The following RASGRP3 variants were observed in gnomAD, a reference collection of about 807,000 sequenced individuals.
The protein encoded by RASGRP3 is RAS guanyl releasing protein 3.
Under a neutral mutation model 82.7 loss-of-function variants are expected in RASGRP3, and 54 were observed. The ratio of observed to expected loss-of-function variants is 0.65; its 90% CI spans 0.52 to 0.82. RASGRP3 has a LOEUF of 0.82. Ranked by LOEUF, RASGRP3 falls within the 40% of genes least tolerant of loss-of-function variation. RASGRP3 has a pLI of 0.00. For missense variants in RASGRP3, 861 were observed against 828.9 expected, an observed-to-expected ratio of 1.04 and a Z score of -0.48; for synonymous variants, 309 against 300.5, an observed-to-expected ratio of 1.03 and a Z score of -0.29.
rs1574509399 is a variant in RASGRP3, at chr2:33,559,018, A to G, written c.2052A>G (p.Arg684=). The G allele has an allele frequency of 6.2e-7, 1 of 1,607,366 alleles. No homozygotes were observed. Among genetic ancestry groups the G allele is most frequent in the Non-Finnish European group, 8.5e-7 (1 of 1,177,190 alleles). The change falls in exon 17 of 18, where the codon AGA becomes AGG. Residue 684 remains arginine, a synonymous_variant. Coordinates refer to ENST00000403687, the MANE Select transcript of RASGRP3 (RefSeq NM_001139488.2). ...ACCAGGATGAAGGAGAAGAGACCAGACAGGATGGTGAGGTAAGTGCTAGGT... is the reference window on the plus strand; with the variant it reads ...ACCAGGATGAAGGAGAAGAGACCAGGCAGGATGGTGAGGTAAGTGCTAGGT... ...ELDQDEGEET[R]QDGEDG
chr2:33,460,772 C>G (rs1420310640), intron 2 of RASGRP3, among the ~76,000 whole-genome samples: 1 of 152,116 alleles, frequency 6.6e-6, no homozygotes, highest in East Asian at 1.9e-4. Flanking sequence ...GCCTCAGCCT[C>G]CCCAAGTGCT....
chr2:33,555,306 C>T, intron 14 of RASGRP3: 1 of 390,108 alleles, frequency 2.6e-6, no homozygotes, highest in East Asian at 4.2e-5. Context: ...TCCCGGCTCC[C>T]AGTTGGCTCT....
chr2:33,490,810 A>G (rs1238419230), intron 1 of RASGRP3, among the ~76,000 whole-genome samples: 7 of 150,500 alleles, frequency 4.7e-5, no homozygotes, highest in Non-Finnish European at 1.0e-4. Flanking sequence ...TGTAACTGCA[A>G]CTCAAGATCC....
At chr2:33,557,425 C>G (rs1333804883) in intron 15 of RASGRP3, among the ~76,000 whole-genome samples, 1 of 152,008 alleles carries the variant, frequency 6.6e-6, no homozygotes, top group African/African-American at 2.4e-5. Context: ...AAAATCCAGA[C>G]AAGGCCGGGC....
upstream of RASGRP3, among the ~76,000 whole-genome samples, chr2:33,471,771 G>A (rs1298306365): frequency 6.6e-6 from 1 of 151,550 alleles, no homozygotes; most frequent in East Asian, 1.9e-4. Flanking sequence ...CTTCTTCCTG[G>A]GTCAGTTTGC....
intron 1 of RASGRP3, among the ~76,000 whole-genome samples, chr2:33,507,560 A>G (rs775812501): frequency 4.6e-5 from 7 of 152,224 alleles, no homozygotes; most frequent in East Asian, 1.9e-4. Flanking sequence ...GAGTCTCTCT[A>G]TGTTGCCCAG....
intron 1 of RASGRP3, among the ~76,000 whole-genome samples, chr2:33,500,451 C>T (rs1048403419): frequency 4.0e-5 from 6 of 151,826 alleles, no homozygotes; most frequent in Admixed American, 6.6e-5. Flanking sequence ...CCAGGAGAGG[C>T]GGTGGAGATG....
chr2:33,529,731 C>G (rs1482574144), intron 10 of RASGRP3, among the ~76,000 whole-genome samples: 3 of 152,074 alleles, frequency 2.0e-5, no homozygotes, highest in South Asian at 2.1e-4. Flanking sequence ...GGTTTTGTCT[C>G]CTTGCTAACA....
intron 9 of RASGRP3, among the ~76,000 whole-genome samples, 196 bp from the exon 10 acceptor site, chr2:33,526,941 C>T (rs1487897142): frequency 1.3e-5 from 2 of 152,138 alleles, no homozygotes; most frequent in Non-Finnish European, 2.9e-5. Context: ...CAAAATGGAA[C>T]AGGCTGCTCA....
chr2:33,507,635 C>T (rs982701907), intron 1 of RASGRP3, among the ~76,000 whole-genome samples: 2 of 152,216 alleles, frequency 1.3e-5, no homozygotes, highest in South Asian at 4.1e-4. Context: ...AGGCGATTCT[C>T]CTGCCTCAGC....
chr2:33,489,742 G>A (rs960193266), intron 1 of RASGRP3, among the ~76,000 whole-genome samples: 1 of 152,082 alleles, frequency 6.6e-6, no homozygotes, highest in African/African-American at 2.4e-5. Flanking sequence ...TCACCATGTT[G>A]GCCAGACTGG....
Position 33,514,333 on chromosome 2 carries a change from G to A in RASGRP3, c.-127-677G>A, listed in dbSNP as rs537880776. On this transcript the variant is annotated intron_variant, in intron 2 of 17. Coordinates refer to ENST00000403687, the MANE Select transcript of RASGRP3 (RefSeq NM_001139488.2). ...TATTCTTTTATTAATATTAAACCAA[G>A]TAACATTTATAATATTCTTGAATAT... Among the ~76,000 whole-genome samples, 12 of 151,770 alleles carry A rather than the reference G, an allele frequency of 7.9e-5. No homozygotes were observed. The East Asian group carries it at 1.9e-3, about 24-fold the overall frequency.
chr2:33,558,366 G>C, intron 16 of RASGRP3, 30 bp downstream of exon 16: 1 of 1,612,028 alleles, frequency 6.2e-7, no homozygotes, highest in South Asian at 1.1e-5. Flanking sequence ...TTGCTGCCAT[G>C]GTCTCTTTCT....
chr2:33,522,226 C>A, intron 7 of RASGRP3, 124 bp downstream of exon 7: 1 of 1,048,376 alleles, frequency 9.5e-7, no homozygotes, highest in Non-Finnish European at 1.4e-6. Context: ...GAGAAGTGCC[C>A]TTAATTCACA....
intron 11 of RASGRP3, among the ~76,000 whole-genome samples, chr2:33,536,337 A>C (rs1160938258): frequency 7.2e-6 from 1 of 139,538 alleles, no homozygotes; most frequent in Non-Finnish European, 1.6e-5. Flanking sequence ...AAAAAAAAAA[A>C]CGACAGAAAG....
intron 1 of RASGRP3, among the ~76,000 whole-genome samples, chr2:33,484,034 TTC>T (rs1421053388): frequency 1.3e-5 from 2 of 152,200 alleles, no homozygotes; most frequent in Non-Finnish European, 2.9e-5. Context: ...GCTTAGTCAC[TTC>T]TCTGTTTTGT....
chr2:33,557,492 G>A (rs987841038), intron 15 of RASGRP3, among the ~76,000 whole-genome samples: 2 of 152,074 alleles, frequency 1.3e-5, no homozygotes, highest in Admixed American at 6.6e-5. Flanking sequence ...GGTGGATCAC[G>A]AGGTCAGGAG....
At position 33,527,418 on chromosome 2, in the gene RASGRP3, T is replaced by C. The variant is rs536235191; in HGVS notation, c.1083+6T>C. 6.2e-7 allele frequency: 1 copy of C among 1,604,804 alleles called. No homozygotes were observed. Among genetic ancestry groups the C allele is most frequent in the Non-Finnish European group, 8.5e-7 (1 of 1,172,844 alleles). On this transcript the variant is annotated splice_donor_region_variant and intron_variant, in intron 10 of 17. Coordinates refer to ENST00000403687, the MANE Select transcript of RASGRP3 (RefSeq NM_001139488.2). Reference sequence around the variant, plus strand: ...ATTTGATCAACCTGCTCACGGTGAGTTCCAAGGAGCCAAGTTTGGGCTCAA... The same window carrying C: ...ATTTGATCAACCTGCTCACGGTGAGCTCCAAGGAGCCAAGTTTGGGCTCAA...
intron 10 of RASGRP3, among the ~76,000 whole-genome samples, chr2:33,528,055 TG>T (rs1672754248): frequency 6.6e-6 from 1 of 152,200 alleles, no homozygotes; most frequent in South Asian, 2.1e-4. Context: ...AACCCATCCA[TG>T]TGGCAAGTTC....
Sources: gnomAD v4.1 joint callset for allele counts (sites outside exome capture counted in the v4.1 genomes callset) on GRCh38, gnomAD v4.1.1 for gene constraint, MANE v1.5 for transcripts, NCBI Gene and HGNC (gene_info 2026-07-23, HGNC 2026-07-21) for gene names.